LCORL: variants seen among roughly 807,000 people sequenced by gnomAD.
LCORL encodes the protein ligand dependent nuclear receptor corepressor like.
A neutral mutation model predicts 141.8 loss-of-function variants in LCORL; 41 were observed. The observed-to-expected ratio is 0.29, with a 90% CI of 0.23 to 0.38. The LOEUF (loss-of-function observed/expected upper bound fraction) is 0.38, where lower values mean the gene tolerates loss of function less well. Among genes scored for constraint, LCORL ranks in the 10% least tolerant of loss-of-function variants. LCORL has a pLI of 1.00. For synonymous variants in LCORL, 618 were observed against 694.1 expected (o/e 0.89, Z 1.72); for missense variants, 1,759 against 2,035.0 (o/e 0.86, Z 2.61).
chr4:17,974,727 G>A (rs1369297182), intron 1 of LCORL, among the ~76,000 whole-genome samples: 1 of 152,082 alleles, frequency 6.6e-6, no homozygotes, highest in African/African-American at 2.4e-5. Context: ...TTATTAGTCA[G>A]ACTTGGAGCT....
exon 7 of LCORL, chr4:17,877,201 T>G (rs1577307098): frequency 8.1e-7 from 1 of 1,230,284 alleles, no homozygotes; most frequent in Admixed American, 4.2e-5. Flanking sequence ...ATAATTTTAT[T>G]TTCTACCTTT....
intron 1 of LCORL, among the ~76,000 whole-genome samples, chr4:17,995,913 T>G (rs1228997077): frequency 6.6e-6 from 1 of 152,128 alleles, no homozygotes; most frequent in Non-Finnish European, 1.5e-5. Context: ...TCTGAATCAC[T>G]GAGATAGATA....
chr4:17,988,433 T>C (rs561680430), intron 1 of LCORL, among the ~76,000 whole-genome samples: 138 of 152,248 alleles, frequency 9.1e-4, no homozygotes, highest in Non-Finnish European at 1.5e-3. Flanking sequence ...CATGCCTGGC[T>C]TATTTTTTTA....
intron 1 of LCORL, among the ~76,000 whole-genome samples, chr4:18,017,352 C>T (rs1724790819): frequency 6.6e-6 from 1 of 151,898 alleles, no homozygotes; most frequent in Non-Finnish European, 1.5e-5. Flanking sequence ...ATACTGTTCC[C>T]CAAAATAATT....
Position 18,021,637 on chromosome 4 carries a change from C to CCCGCCGGAATCCTCTTCTCT in LCORL, c.95_114dup (p.Glu39ArgfsTer20). On this transcript the variant is annotated frameshift_variant, in exon 1 of 8. Transcript: ENST00000635767. LOFTEE classifies it high-confidence loss of function. The surrounding 1 kb of genome is among the most constrained non-coding windows in gnomAD (Gnocchi z 5.5). ...AGGCGGTGGCGCCAAGAGTCGAGTT[C>CCCGCCGGAATCCTCTTCTCT]CCGCCGGAATCCTCTTCTCTCCGCC... The CCCGCCGGAATCCTCTTCTCT allele has an allele frequency of 6.5e-7, 1 of 1,545,806 alleles. No homozygotes were observed. The highest frequency in any genetic ancestry group is 2.5e-5 in the East Asian group (1 of 40,242).
chr4:17,904,458 T>C (rs1198730582), intron 5 of LCORL, among the ~76,000 whole-genome samples: 2 of 152,126 alleles, frequency 1.3e-5, no homozygotes, highest in Non-Finnish European at 2.9e-5. Context: ...ACTGTGATTC[T>C]TGCATTTTAA....
intron 5 of LCORL, among the ~76,000 whole-genome samples, chr4:17,903,700 T>A (rs1731200289): frequency 6.6e-6 from 1 of 151,946 alleles, no homozygotes; most frequent in African/African-American, 2.4e-5. Context: ...GGATAGAAAG[T>A]ACAATGGAGA....
intron 4 of LCORL, among the ~76,000 whole-genome samples, chr4:17,945,040 C>G (rs1738633958): frequency 1.3e-5 from 2 of 151,978 alleles, no homozygotes; most frequent in African/African-American, 4.8e-5. Flanking sequence ...ATCACACTTC[C>G]CAGGTACAGT....
chr4:17,984,845 T>C (rs1718665771), intron 1 of LCORL, among the ~76,000 whole-genome samples: 1 of 152,128 alleles, frequency 6.6e-6, no homozygotes, highest in African/African-American at 2.4e-5. Context: ...CTTTTACTTG[T>C]GACGTTAGGC....
At chr4:17,911,323 G>A (rs1732482102) in intron 4 of LCORL, among the ~76,000 whole-genome samples, 1 of 152,070 alleles carries the variant, frequency 6.6e-6, no homozygotes, top group African/African-American at 2.4e-5. Context: ...AAAGTTCATG[G>A]AAAACGCATA....
chr4:17,973,686 G>A (rs1177466928), intron 1 of LCORL, among the ~76,000 whole-genome samples: 4 of 151,776 alleles, frequency 2.6e-5, no homozygotes, highest in African/African-American at 9.7e-5. Flanking sequence ...TGGCATGACA[G>A]ACCCTATAAA....
exon 7 of LCORL, chr4:17,875,407 C>G: frequency 2.4e-6 from 3 of 1,231,380 alleles, no homozygotes; most frequent in East Asian, 3.2e-5. Context: ...CTTATTCTTT[C>G]ACCCAAGTCA....
At chr4:17,950,444 A>T (rs974816788) in intron 4 of LCORL, among the ~76,000 whole-genome samples, 1 of 152,198 alleles carries the variant, frequency 6.6e-6, no homozygotes. Context: ...CTTCAAGCAT[A>T]TTGATGATGA....
At chr4:17,938,233 C>G (rs1737203240) in intron 4 of LCORL, among the ~76,000 whole-genome samples, 1 of 151,496 alleles carries the variant, frequency 6.6e-6, no homozygotes, top group Non-Finnish European at 1.5e-5. Flanking sequence ...TCTCGAACTC[C>G]CAACCTCAGG....
intron 1 of LCORL, among the ~76,000 whole-genome samples, chr4:17,988,494 CTT>C (rs1263227677): frequency 6.6e-6 from 1 of 152,100 alleles, no homozygotes; most frequent in Non-Finnish European, 1.5e-5. Flanking sequence ...GTTTCTTTGA[CTT>C]TCTTTTTAGA....
At chr4:17,879,924 G>T (rs1245663227) in intron 6 of LCORL, among the ~76,000 whole-genome samples, 1 of 150,846 alleles carries the variant, frequency 6.6e-6, no homozygotes, top group East Asian at 1.9e-4. Context: ...CAGGTATGTG[G>T]TACAAGTAAT....
chr4:17,931,194 C>T (rs189115993), intron 4 of LCORL, among the ~76,000 whole-genome samples: 11 of 152,012 alleles, frequency 7.2e-5, no homozygotes, highest in African/African-American at 2.7e-4. Context: ...TCTCTATTAC[C>T]CCCTCTCCTC....
chr4:17,864,655 A>G (rs181566851), intron 7 of LCORL, among the ~76,000 whole-genome samples: 7 of 152,376 alleles, frequency 4.6e-5, no homozygotes, highest in Non-Finnish European at 7.3e-5. Flanking sequence ...AACCATGTTA[A>G]TGGTGACATT....
intron 2 of LCORL, among the ~76,000 whole-genome samples, chr4:17,964,822 C>T (rs966484049): frequency 1.3e-5 from 2 of 151,522 alleles, no homozygotes; most frequent in African/African-American, 4.8e-5. Flanking sequence ...GATTCCTATG[C>T]CAAGCGTAAC....
Sources: gnomAD v4.1 joint callset for allele counts (sites outside exome capture counted in the v4.1 genomes callset) on GRCh38, gnomAD v4.1.1 for gene constraint, Gnocchi (gnomAD v3.1) non-coding constraint, MANE v1.5 for transcripts, NCBI Gene and HGNC (gene_info 2026-07-23, HGNC 2026-07-21) for gene names.